Variants in CHID1 observed in about 807,000 individuals in gnomAD.
CHID1 encodes the protein chitinase domain-containing protein 1.
Under a neutral mutation model 55.4 loss-of-function variants are expected in CHID1, and 44 were observed. The ratio of observed to expected loss-of-function variants is 0.79; its 90% CI spans 0.62 to 1.02. CHID1 has a LOEUF of 1.02. CHID1 is among the 50% of genes least tolerant of loss of function. CHID1 has a pLI of 0.00. For missense variants in CHID1, 491 were observed against 515.3 expected (o/e 0.95, Z 0.46); for synonymous variants, 216 against 212.9 (o/e 1.01, Z -0.13).
chr11:894,086 C>T (rs1383595768), intron 7 of CHID1, among the ~76,000 whole-genome samples: 1 of 140,610 alleles, frequency 7.1e-6, no homozygotes, highest in Non-Finnish European at 1.5e-5. Context: ...CGCACCACTG[C>T]ACTCCAGCCT....
At chr11:870,073 T>C (rs780290124) in intron 12 of CHID1, 48 bp downstream of exon 12, 1 of 1,611,540 alleles carries the variant, frequency 6.2e-7, no homozygotes, top group Non-Finnish European at 8.5e-7. Context: ...TGCTGTGCTG[T>C]CGCATGGCCC....
At chr11:874,192 T>C (rs1849348774) in intron 10 of CHID1, among the ~76,000 whole-genome samples, 1 of 152,200 alleles carries the variant, frequency 6.6e-6, no homozygotes, top group South Asian at 2.1e-4. Context: ...CCGGGCGTGG[T>C]GGCTCACGCC....
chr11:902,812 C>T lies in CHID1; in HGVS notation c.261+150G>A. The T allele has an allele frequency of 2.8e-6, 2 of 717,430 alleles. 1 individual carries two copies. Among genetic ancestry groups the T allele is most frequent in the Admixed American group, 5.6e-5 (2 of 35,434 alleles). 44.4% of individuals were successfully genotyped at this position (717,430 alleles called of 1,614,324 possible). ...CACTCTGACATCTCCAGAATGGCAT[C>T]TCTCCCACCGTAGCCTCACAGCAGC... On this transcript the variant is annotated intron_variant, in intron 3 of 12. Transcript: ENST00000323578.
Position 888,784 on chromosome 11 carries a change from C to T in CHID1, c.702-4615G>A, listed in dbSNP as rs140995641. On this transcript the variant is annotated intron_variant, in intron 8 of 12. Coordinates refer to ENST00000323578, the MANE Select transcript of CHID1 (RefSeq NM_023947.4). ...CGACTGGACCCCGGGCCCACACCAACGCCAGTGCCTGCCCACTCGGCCTCG... is the reference window on the plus strand; with the variant it reads ...CGACTGGACCCCGGGCCCACACCAATGCCAGTGCCTGCCCACTCGGCCTCG... Among the ~76,000 whole-genome samples the T allele has an allele frequency of 1.8e-3, 265 of 151,306 alleles. 3 individuals carry two copies. The highest frequency in any genetic ancestry group is 4.1e-3 in the African/African-American group (169 of 41,108).
At position 870,448 on chromosome 11, in the gene CHID1, C is replaced by T. The variant is rs781485370; in HGVS notation, c.1011G>A (p.Gln337=). Residue 337 remains glutamine (Q), a synonymous_variant, in exon 11 of 13, where the codon CAG becomes CAA. Coordinates refer to ENST00000323578, the MANE Select transcript of CHID1 (RefSeq NM_023947.4). ...TGTACTCGAAGAAGTGCTCTGAGGC[C>T]TGGCTGTCCCACACCATCCGGGGCC... The part of the protein sequence containing the change: ...DHRPRMVWDS[Q]ASEHFFEYKK... 1.6e-5 allele frequency: 26 copies of T among 1,612,206 alleles called. No homozygotes were observed. Among genetic ancestry groups the T allele is most frequent in the Non-Finnish European group, 2.2e-5 (26 of 1,179,324 alleles).
intron 7 of CHID1, among the ~76,000 whole-genome samples, chr11:898,437 A>G (rs1426906679): frequency 4.6e-5 from 7 of 152,216 alleles, no homozygotes; most frequent in Non-Finnish European, 8.8e-5. Context: ...TCTGCTGTCC[A>G]GGCACCCGCG....
At chr11:907,457 GGCGACGGT>G (rs1852324913) in intron 1 of CHID1, among the ~76,000 whole-genome samples, 1 of 152,034 alleles carries the variant, frequency 6.6e-6, no homozygotes, top group African/African-American at 2.4e-5. Flanking sequence ...CTCCAGCCTG[GGCGACGGT>G]GCGAGACTGT....
intron 3 of CHID1, among the ~76,000 whole-genome samples, chr11:902,580 A>G (rs1851897722): frequency 6.6e-6 from 1 of 152,126 alleles, no homozygotes; most frequent in Non-Finnish European, 1.5e-5. Flanking sequence ...CCCCACCTGG[A>G]GCTAGTGCAC....
At chr11:894,005 C>G (rs1046647692) in intron 7 of CHID1, among the ~76,000 whole-genome samples, 1 of 151,710 alleles carries the variant, frequency 6.6e-6, no homozygotes. Context: ...TCCTGTAATC[C>G]GAGCTACTCA....
At chr11:904,366 A>T (rs914495776) in intron 2 of CHID1, among the ~76,000 whole-genome samples, 1 of 152,198 alleles carries the variant, frequency 6.6e-6, no homozygotes, top group African/African-American at 2.4e-5. Flanking sequence ...GCTCAAGGCC[A>T]TGATAAAGAC....
intron 1 of CHID1, among the ~76,000 whole-genome samples, chr11:907,064 A>T: frequency 6.6e-6 from 1 of 152,196 alleles, no homozygotes; most frequent in East Asian, 1.9e-4. Flanking sequence ...ATAAATGAGC[A>T]GGCTATCTGG....
chr11:892,044 G>A (rs1270255426), intron 8 of CHID1, among the ~76,000 whole-genome samples: 1 of 152,064 alleles, frequency 6.6e-6, no homozygotes, highest in Non-Finnish European at 1.5e-5. Context: ...GAGCCTGGGA[G>A]GCAGAGGTTG....
intron 10 of CHID1, 108 bp downstream of exon 10, chr11:883,040 C>G: frequency 8.1e-7 from 1 of 1,242,116 alleles, no homozygotes; most frequent in Non-Finnish European, 1.1e-6. Flanking sequence ...CTCTGTGGGG[C>G]AGAAGCCCCA....
At chr11:895,041 A>G (rs909295533) in intron 7 of CHID1, among the ~76,000 whole-genome samples, 1 of 152,096 alleles carries the variant, frequency 6.6e-6, no homozygotes, top group Non-Finnish European at 1.5e-5. Context: ...CCACAACTCT[A>G]TGGGTACCAG....
At position 900,042 on chromosome 11, in the gene CHID1, T is replaced by A; in HGVS notation, c.508A>T (p.Ile170Leu). The change falls in exon 6 of 13, where the codon ATA (isoleucine) becomes TTA (leucine). Residue 170 changes from isoleucine to leucine, a missense_variant. By Grantham distance (5) the Ile-to-Leu change is conservative. Coordinates refer to ENST00000323578, the MANE Select transcript of CHID1 (RefSeq NM_023947.4). ...ACCACGGTCTTGCTCAGCTCCTCTA[T>A]CTCATCCTCACTGTCTAAGACGTTC... ...FRNVLDSEDE[I>L]EELSKTVVQV... 1 of 1,614,072 alleles carries A rather than the reference T, an allele frequency of 6.2e-7. No individual in the cohort carries two copies. The highest frequency in any genetic ancestry group is 8.5e-7 in the Non-Finnish European group (1 of 1,179,984).
At chr11:906,042 G>A (rs367769940) in intron 1 of CHID1, among the ~76,000 whole-genome samples, 2 of 152,104 alleles carry the variant, frequency 1.3e-5, no homozygotes, top group East Asian at 1.9e-4. Flanking sequence ...GGCTGGGAAC[G>A]GTGGCTCATG....
At chr11:872,026 A>G (rs900898422) in intron 10 of CHID1, among the ~76,000 whole-genome samples, 1 of 152,130 alleles carries the variant, frequency 6.6e-6, no homozygotes, top group Non-Finnish European at 1.5e-5. Flanking sequence ...AAAGTGCCAG[A>G]CCCCATCGGG....
chr11:889,148 C>T (rs749197583), intron 8 of CHID1, among the ~76,000 whole-genome samples: 1 of 152,138 alleles, frequency 6.6e-6, no homozygotes. Context: ...GGGGCGGCTG[C>T]GGCCTCCAGA....
In CHID1 at chr11:876,556, C is replaced by CTGGT. The variant is rs1849531118; in HGVS notation, c.960-6061_960-6058dup. Among the ~76,000 whole-genome samples the CTGGT allele has an allele frequency of 2.0e-5, 3 of 152,202 alleles. No individual in the cohort carries two copies. The South Asian group carries it at 6.2e-4, about 32-fold the overall frequency. ...GCCAGGAACCTACCCAGGGAAGACACTGGTGGCTGTCAGGCATCACACTCC... is the reference window on the plus strand; with the variant it reads ...GCCAGGAACCTACCCAGGGAAGACACTGGTTGGTGGCTGTCAGGCATCACACTCC... On this transcript the variant is annotated intron_variant, in intron 10 of 12. Transcript: ENST00000323578.
Sources: gnomAD v4.1 joint callset for allele counts (sites outside exome capture counted in the v4.1 genomes callset) on GRCh38, gnomAD v4.1.1 for gene constraint, MANE v1.5 for transcripts, NCBI Gene and HGNC (gene_info 2026-07-23, HGNC 2026-07-21) for gene names.